SFXN5: variants seen among roughly 807,000 people sequenced by gnomAD.
SFXN5 encodes sideroflexin 5, also known as sideroflexin-5.
Under a neutral mutation model 50.2 loss-of-function variants are expected in SFXN5, and 43 were observed. The observed-to-expected ratio is 0.86, with a 90% CI of 0.67 to 1.11. SFXN5 has a LOEUF of 1.11. Among genes scored for constraint, SFXN5 ranks in the 50% least tolerant of loss-of-function variants. SFXN5 has a pLI of 0.00. For missense variants in SFXN5, 463 were observed against 454.1 expected (o/e 1.02, Z -0.18); for synonymous variants, 203 against 185.8 (o/e 1.09, Z -0.75).
At position 72,967,064 on chromosome 2, in the gene SFXN5, C is replaced by T. The variant is rs182467197; in HGVS notation, c.827+1384G>A. Among the ~76,000 whole-genome samples the T allele has an allele frequency of 2.1e-3, 327 of 152,334 alleles. 1 individual carries two copies. The highest frequency in any genetic ancestry group is 0.014 in the Middle Eastern group (4 of 294). On this transcript the variant is annotated intron_variant, in intron 12 of 13. Transcript: ENST00000272433. Reference sequence around the variant, plus strand: ...CTTTGCAGCCGCACTCCTGAGCCACCGCTGGCTCTGCTATTTCCTAGTACA... The same window carrying T: ...CTTTGCAGCCGCACTCCTGAGCCACTGCTGGCTCTGCTATTTCCTAGTACA...
chr2:72,948,675 C>G (rs772398340), intron 13 of SFXN5, among the ~76,000 whole-genome samples: 2 of 152,202 alleles, frequency 1.3e-5, no homozygotes, highest in African/African-American at 2.4e-5. Context: ...CCTCCTGGCA[C>G]CCCGTCTCCC....
chr2:73,064,916 GGCT>G (rs1293426266), intron 1 of SFXN5, among the ~76,000 whole-genome samples: 3 of 152,108 alleles, frequency 2.0e-5, no homozygotes, highest in Non-Finnish European at 4.4e-5. Flanking sequence ...CCTCTAGAGT[GGCT>G]GGGACTACAA....
chr2:72,990,895 A>G (rs1030716789), intron 9 of SFXN5, among the ~76,000 whole-genome samples: 1 of 152,160 alleles, frequency 6.6e-6, no homozygotes, highest in African/African-American at 2.4e-5. Flanking sequence ...GGTCCTAACG[A>G]GTGGAAAACA....
intron 13 of SFXN5, among the ~76,000 whole-genome samples, chr2:72,955,286 C>T (rs957829882): frequency 3.3e-5 from 5 of 152,178 alleles, no homozygotes; most frequent in East Asian, 1.9e-4. Context: ...GCCCGCCCGC[C>T]GCCCGCCCGT....
chr2:72,949,142 T>G (rs57717832), intron 13 of SFXN5, among the ~76,000 whole-genome samples: 8,013 of 152,108 alleles, frequency 0.053, 644 homozygotes, highest in African/African-American at 0.18. Context: ...AAATATTAGC[T>G]GGCTAGCATG....
At chr2:72,966,817 T>C (rs2105421953) in intron 12 of SFXN5, among the ~76,000 whole-genome samples, 1 of 152,256 alleles carries the variant, frequency 6.6e-6, no homozygotes, top group South Asian at 2.1e-4. Flanking sequence ...TGCTTCCTCT[T>C]CTCAAGGTCA....
intron 6 of SFXN5, among the ~76,000 whole-genome samples, chr2:73,017,818 A>C (rs975737712): frequency 1.3e-5 from 2 of 152,214 alleles, no homozygotes; most frequent in African/African-American, 4.8e-5. Flanking sequence ...TCCAGTAACC[A>C]TGAGTACACC....
intron 13 of SFXN5, among the ~76,000 whole-genome samples, chr2:72,949,541 C>A (rs1274039618): frequency 6.6e-6 from 1 of 152,084 alleles, no homozygotes; most frequent in Non-Finnish European, 1.5e-5. Context: ...ATCTTGAATT[C>A]TTGGCCTCAA....
At chr2:73,071,119 G>C (rs1205679504) in intron 1 of SFXN5, 2 of 155,434 alleles carry the variant, frequency 1.3e-5, no homozygotes, top group Non-Finnish European at 2.9e-5. Flanking sequence ...CGCGGGGCGC[G>C]ACGCTGCCCG....
intron 3 of SFXN5, among the ~76,000 whole-genome samples, chr2:73,035,125 G>A (rs1355116958): frequency 6.6e-6 from 1 of 152,164 alleles, no homozygotes; most frequent in Admixed American, 6.5e-5. Flanking sequence ...AAGATTAGCT[G>A]AGATAATATG....
intron 13 of SFXN5, among the ~76,000 whole-genome samples, chr2:72,952,187 CACCCATCA>C (rs1672607580): frequency 6.6e-6 from 1 of 152,226 alleles, no homozygotes; most frequent in South Asian, 2.1e-4. Flanking sequence ...CCAGCTTCTT[CACCCATCA>C]ACTGCTGTCC....
chr2:73,023,557 AAC>A (rs1358255551), intron 3 of SFXN5, among the ~76,000 whole-genome samples: 3 of 152,194 alleles, frequency 2.0e-5, no homozygotes, highest in African/African-American at 7.2e-5. Flanking sequence ...AGCAGGTAGA[AAC>A]CTCTAATTTA....
intron 1 of SFXN5, among the ~76,000 whole-genome samples, chr2:73,069,687 C>T (rs1683436057): frequency 6.6e-6 from 1 of 152,166 alleles, no homozygotes; most frequent in African/African-American, 2.4e-5. Context: ...AAATGTTTAT[C>T]TATGGCTCTA....
chr2:72,981,062 G>C (rs570646190), intron 10 of SFXN5: 2 of 152,284 alleles, frequency 1.3e-5, no homozygotes, highest in African/African-American at 4.8e-5. Context: ...GGTCGCGTGC[G>C]AGTGCCCCTC....
chr2:73,004,795 A>T (rs1467570953), intron 6 of SFXN5, among the ~76,000 whole-genome samples: 1 of 152,270 alleles, frequency 6.6e-6, no homozygotes, highest in Non-Finnish European at 1.5e-5. Context: ...CGAGGATGCC[A>T]GCCCAATTCC....
chr2:72,947,439 G>A (rs998811921), intron 13 of SFXN5, among the ~76,000 whole-genome samples: 46 of 152,224 alleles, frequency 3.0e-4, no homozygotes, highest in Admixed American at 2.7e-3. Context: ...GCAGTGAGAA[G>A]GTCCCCGCCG....
intron 12 of SFXN5, 46 bp downstream of exon 12, chr2:72,968,402 C>T (rs1008268693): frequency 6.4e-7 from 1 of 1,573,166 alleles, no homozygotes; most frequent in South Asian, 1.1e-5. Context: ...TCCCTCTCCC[C>T]CTCCTCCCCC....
At chr2:72,986,425 T>A (rs1332344172) in intron 10 of SFXN5, among the ~76,000 whole-genome samples, 1 of 152,084 alleles carries the variant, frequency 6.6e-6, no homozygotes, top group Non-Finnish European at 1.5e-5. Flanking sequence ...GGTACCCGCC[T>A]TTTACAGATG....
intron 2 of SFXN5, among the ~76,000 whole-genome samples, chr2:73,043,700 T>C (rs943765147): frequency 6.6e-6 from 1 of 152,230 alleles, no homozygotes; most frequent in African/African-American, 2.4e-5. Flanking sequence ...TGGTTGTTTT[T>C]ATTTTTTCCC....
Sources: gnomAD v4.1 joint callset for allele counts (sites outside exome capture counted in the v4.1 genomes callset) on GRCh38, gnomAD v4.1.1 for gene constraint, MANE v1.5 for transcripts, NCBI Gene and HGNC (gene_info 2026-07-23, HGNC 2026-07-21) for gene names.